MTHFD2L: variants seen among roughly 807,000 people sequenced by gnomAD.
MTHFD2L encodes the protein methylenetetrahydrofolate dehydrogenase (NADP+ dependent) 2 like.
Under a neutral mutation model 34.9 loss-of-function variants are expected in MTHFD2L, and 29 were observed. The ratio of observed to expected loss-of-function variants is 0.83; its 90% confidence interval spans 0.62 to 1.13. MTHFD2L has a LOEUF of 1.13. Ranked by LOEUF, MTHFD2L falls within the 50% of genes most tolerant of loss-of-function variation. The pLI, the probability that MTHFD2L is intolerant of heterozygous loss-of-function variation, is 0.00. For synonymous variants in MTHFD2L, 167 were observed against 155.7 expected (o/e 1.07, Z -0.54); for missense variants, 481 against 446.5 (o/e 1.08, Z -0.70).
intron 6 of MTHFD2L, among the ~76,000 whole-genome samples, chr4:74,254,011 T>C (rs1174760652): frequency 6.6e-6 from 1 of 152,170 alleles, no homozygotes; most frequent in Non-Finnish European, 1.5e-5. Context: ...GTCCATGGAC[T>C]CAGGATGAGG....
At chr4:74,286,563 T>C (rs1748202298) in intron 7 of MTHFD2L, among the ~76,000 whole-genome samples, 1 of 152,194 alleles carries the variant, frequency 6.6e-6, no homozygotes, top group Non-Finnish European at 1.5e-5. Flanking sequence ...CTCTTAATTA[T>C]ACCGTTCTTA....
intron 5 of MTHFD2L, among the ~76,000 whole-genome samples, chr4:74,216,818 A>G (rs1046982489): frequency 6.6e-6 from 1 of 151,794 alleles, no homozygotes; most frequent in Admixed American, 6.6e-5. Context: ...CTGGACTAAT[A>G]AGATCCTAGT....
intron 3 of MTHFD2L, chr4:74,180,784 TA>T: frequency 7.3e-6 from 3 of 412,094 alleles, no homozygotes; most frequent in Non-Finnish European, 1.5e-5. Context: ...TAAGGAGAAA[TA>T]AAAATGACCG....
At chr4:74,182,726 G>C (rs1279493864) in intron 3 of MTHFD2L, 2 of 152,080 alleles carry the variant, frequency 1.3e-5, no homozygotes, top group African/African-American at 4.8e-5. Context: ...TTTGCAATTA[G>C]ATTGAGCCCA....
Position 74,227,883 on chromosome 4 carries a change from T to G in MTHFD2L, c.805+2489T>G, listed in dbSNP as rs1004676086. Among the ~76,000 whole-genome samples the G allele has an allele frequency of 3.9e-5, 6 of 152,144 alleles. No homozygotes were observed. The East Asian group carries it at 1.2e-3, about 29-fold the overall frequency. ...AGAGGAGAGGTATTGCAATTTCATT[T>G]AATGGGTCTAGATTTTGCTCTAATT... On this transcript the variant is annotated intron_variant, in intron 6 of 7. Transcript: ENST00000325278.
chr4:74,275,803 T>C (rs1665827403), intron 6 of MTHFD2L, among the ~76,000 whole-genome samples: 1 of 152,118 alleles, frequency 6.6e-6, no homozygotes, highest in Non-Finnish European at 1.5e-5. Context: ...TTGTTTGTTC[T>C]TTTCTTGTAA....
chr4:74,128,829 G>T (rs1022431368), intron 1 of MTHFD2L, among the ~76,000 whole-genome samples: 1 of 151,930 alleles, frequency 6.6e-6, no homozygotes, highest in Non-Finnish European at 1.5e-5. Context: ...GCATGTACTT[G>T]GGTCTTGTTT....
chr4:74,262,445 A>C (rs1457764135), intron 6 of MTHFD2L, among the ~76,000 whole-genome samples: 1 of 151,982 alleles, frequency 6.6e-6, no homozygotes, highest in Non-Finnish European at 1.5e-5. Flanking sequence ...AGTGCCTCTT[A>C]GAGTTAAAAT....
intron 6 of MTHFD2L, among the ~76,000 whole-genome samples, chr4:74,227,506 G>T (rs527376780): frequency 4.0e-5 from 6 of 151,058 alleles, no homozygotes; most frequent in African/African-American, 1.5e-4. Flanking sequence ...TGGGGGAAGA[G>T]CATCCCGAGC....
At chr4:74,198,605 T>C (rs1249404388) in intron 3 of MTHFD2L, among the ~76,000 whole-genome samples, 1 of 152,128 alleles carries the variant, frequency 6.6e-6, no homozygotes, top group African/African-American at 2.4e-5. Flanking sequence ...TAGATTTTTT[T>C]TAAAAAAGAA....
At chr4:74,201,689 T>G (rs1013259593) in intron 5 of MTHFD2L, among the ~76,000 whole-genome samples, 36 of 151,668 alleles carry the variant, frequency 2.4e-4, no homozygotes, top group African/African-American at 8.0e-4. Context: ...AAACAAGACA[T>G]CTCTTGGATG....
At chr4:74,284,635 C>T (rs935790082) in intron 7 of MTHFD2L, among the ~76,000 whole-genome samples, 4 of 151,884 alleles carry the variant, frequency 2.6e-5, no homozygotes, top group African/African-American at 9.7e-5. Context: ...CTGTACATTG[C>T]CTGTTCACTC....
At chr4:74,291,863 G>T (rs183304654) in intron 7 of MTHFD2L, among the ~76,000 whole-genome samples, 3 of 152,160 alleles carry the variant, frequency 2.0e-5, no homozygotes, top group African/African-American at 7.2e-5. Flanking sequence ...TCAGTTTTCA[G>T]TGTCAATCAT....
intron 1 of MTHFD2L, among the ~76,000 whole-genome samples, chr4:74,128,474 G>T (rs1009557455): frequency 2.0e-5 from 3 of 152,010 alleles, no homozygotes; most frequent in Non-Finnish European, 4.4e-5. Flanking sequence ...GAAAGAGACT[G>T]CCCTTCCCCC....
intron 1 of MTHFD2L, among the ~76,000 whole-genome samples, chr4:74,159,642 G>T (rs116092025): frequency 0.011 from 1,716 of 152,184 alleles, 40 homozygotes; most frequent in African/African-American, 0.039. Flanking sequence ...CCCAAAATTT[G>T]GTTGTAGCCC....
chr4:74,251,306 G>T (rs1578619318), intron 6 of MTHFD2L, among the ~76,000 whole-genome samples: 1 of 152,156 alleles, frequency 6.6e-6, no homozygotes, highest in African/African-American at 2.4e-5. Flanking sequence ...GTAAATAGTG[G>T]ATGTACCTGA....
chr4:74,197,115 A>G (rs1733617771), intron 3 of MTHFD2L, among the ~76,000 whole-genome samples: 1 of 152,102 alleles, frequency 6.6e-6, no homozygotes, highest in Non-Finnish European at 1.5e-5. Flanking sequence ...TTTAAATAGA[A>G]GGGGGGAAAA....
intron 3 of MTHFD2L, chr4:74,194,640 T>C (rs963865973): frequency 1.3e-5 from 2 of 152,198 alleles, no homozygotes; most frequent in African/African-American, 4.8e-5. Context: ...TCCTTACATA[T>C]TTAAGATTAG....
intron 7 of MTHFD2L, among the ~76,000 whole-genome samples, chr4:74,295,680 T>C (rs1201784779): frequency 6.6e-6 from 1 of 152,164 alleles, no homozygotes; most frequent in Non-Finnish European, 1.5e-5. Flanking sequence ...TCTATGAGCC[T>C]CTACATAACC....
Sources: allele counts gnomAD v4.1 joint callset (sites outside exome capture counted in the v4.1 genomes callset), GRCh38; gene constraint gnomAD v4.1.1; transcripts MANE v1.5; gene names NCBI Gene and HGNC (gene_info 2026-07-23, HGNC 2026-07-21).